MAFG: variants seen among roughly 807,000 people sequenced by gnomAD.
The protein encoded by MAFG is MAF bZIP transcription factor G.
A neutral mutation model predicts 12.2 loss-of-function variants in MAFG; 3 were observed. The observed-to-expected ratio is 0.25, with a 90% confidence interval of 0.11 to 0.64. The LOEUF (loss-of-function observed/expected upper bound fraction) is 0.64. MAFG is among the 30% of genes least tolerant of loss of function. MAFG has a pLI of 0.85. For synonymous variants in MAFG, 126 were observed against 109.1 expected (o/e 1.15, Z -0.96); for missense variants, 153 against 235.5 (o/e 0.65, Z 2.29).
intron 1 of MAFG, among the ~76,000 whole-genome samples, chr17:81,925,671 C>T (rs2040933296): frequency 6.6e-6 from 1 of 151,800 alleles, no homozygotes; most frequent in Non-Finnish European, 1.5e-5. Context: ...AGCCGGGCGT[C>T]GTGGTGGGCG....
Position 81,922,734 on chromosome 17 carries a change from C to T in MAFG, c.360G>A (p.Thr120=), listed in dbSNP as rs748310991. 1.0e-5 allele frequency: 16 copies of T among 1,572,210 alleles called. No homozygotes were observed. The highest frequency in any genetic ancestry group is 2.3e-5 in the East Asian group (1 of 43,284). ...CTGGCGCCACGGGGCTGCGGGCCACCGTCCGGGCGAAGGTCTGCAGCGCCT... is the reference window on the plus strand; with the variant it reads ...CTGGCGCCACGGGGCTGCGGGCCACTGTCCGGGCGAAGGTCTGCAGCGCCT... The part of the protein sequence containing the change: ...KYEALQTFAR[T]VARSPVAPAR... Residue 120 remains threonine, a synonymous_variant, in exon 3 of 3, where the codon ACG becomes ACA. Coordinates refer to ENST00000357736, the MANE Select transcript of MAFG (RefSeq NM_002359.4).
chr17:81,923,424 A>G, intron 1 of MAFG: 1 of 424,686 alleles, frequency 2.4e-6, no homozygotes, highest in South Asian at 4.5e-5. Context: ...CCCCTAGAGA[A>G]CCAGGTGGGA....
At position 81,921,708 on chromosome 17, in the gene MAFG, T is replaced by A. The variant is rs1598346867; in HGVS notation, c.*897A>T. ...TTTTTCTTTTTTTTTCTTTTTTTTTTAACTAGCAAAGTTTCTATTATACTT... is the reference window on the plus strand; with the variant it reads ...TTTTTCTTTTTTTTTCTTTTTTTTTAAACTAGCAAAGTTTCTATTATACTT... On this transcript the variant is annotated 3_prime_UTR_variant, in exon 3 of 3. Coordinates refer to ENST00000357736, the MANE Select transcript of MAFG (RefSeq NM_002359.4). 2 of 151,988 alleles carry A rather than the reference T, an allele frequency of 1.3e-5. No individual in the cohort carries two copies. Among genetic ancestry groups the A allele is most frequent in the South Asian group, 2.1e-4 (1 of 4,836 alleles). The allele number at this position is 151,988 out of a possible 1,614,324, so 9.4% of individuals were successfully genotyped here.
chr17:81,919,217 G>C lies in MAFG; in HGVS notation c.*3388C>G, dbSNP rs1388974218. The C allele has an allele frequency of 6.6e-6, 1 of 152,274 alleles. No individual in the cohort carries two copies. Among genetic ancestry groups the C allele is most frequent in the Non-Finnish European group, 1.5e-5 (1 of 68,050 alleles). The allele number at this position is 152,274 out of a possible 1,614,324, so 9.4% of individuals were successfully genotyped here. A position where few individuals can be genotyped will look rare whatever the true frequency, so the allele number is the denominator to read the frequency against. ...CTCACAAGATCCCAGAGCGGAAACG[G>C]TGCAGCAGGCTGCGGCTCCGACTTT... On this transcript the variant is annotated 3_prime_UTR_variant, in exon 3 of 3. Transcript: ENST00000357736.
At chr17:81,928,248 C>T (rs1294584535), upstream of MAFG, 2 of 152,178 alleles carry the variant, frequency 1.3e-5, no homozygotes. This position sits in a 1 kb window ranked among gnomAD's most constrained non-coding sequence, Gnocchi z 8.1. Flanking sequence ...CCCGAGCTGC[C>T]CAGGCCCTTC....
rs2040942189 is a variant in MAFG, at chr17:81,926,673, C to T, written c.-30+855G>A. On this transcript the variant is annotated intron_variant, in intron 1 of 2. Coordinates refer to ENST00000357736, the MANE Select transcript of MAFG (RefSeq NM_002359.4). The surrounding 1 kb of genome is among the most constrained non-coding windows in gnomAD (Gnocchi z 4.6). ...TGGAAAACTGCTCCAGACTTGGGACCAGGACCAGCTGCCGGAAAAGAGCCG... is the reference window on the plus strand; with the variant it reads ...TGGAAAACTGCTCCAGACTTGGGACTAGGACCAGCTGCCGGAAAAGAGCCG... 6.6e-6 allele frequency among the ~76,000 whole-genome samples: 1 copy of T among 152,196 alleles called. No homozygotes were observed. The highest frequency in any genetic ancestry group is 1.5e-5 in the Non-Finnish European group (1 of 68,038).
Position 81,924,690 on chromosome 17 carries a change from C to G in MAFG, c.-29-1476G>C, listed in dbSNP as rs2040925573. ...CGAGGCTCCAGCCACTGGATTCTTC[C>G]AGATAAAGGATGGGGAAGACCTGAG... On this transcript the variant is annotated intron_variant, in intron 1 of 2. Transcript: ENST00000357736. The surrounding 1 kb of genome is among the most constrained non-coding windows in gnomAD (Gnocchi z 4.7). 6.6e-6 allele frequency among the ~76,000 whole-genome samples: 1 copy of G among 152,192 alleles called. No individual in the cohort carries two copies. Among genetic ancestry groups the G allele is most frequent in the African/African-American group, 2.4e-5 (1 of 41,438 alleles).
chr17:81,922,659 C>T lies in MAFG; in HGVS notation c.435G>A (p.Val145=). 1 of 1,505,276 alleles carries T rather than the reference C, an allele frequency of 6.6e-7. No homozygotes were observed. Among genetic ancestry groups the T allele is most frequent in the Non-Finnish European group, 8.8e-7 (1 of 1,131,864 alleles). The allele number at this position is 1,505,276 out of a possible 1,614,324, so 93.2% of individuals were successfully genotyped here. The change falls in exon 3 of 3, where the codon GTG becomes GTA. Residue 145 remains valine, a synonymous_variant. Transcript: ENST00000357736. ...CTATTGTGATGACGCTGGTGGCGGC[C>T]ACCTTGCCTGGGACGAGGGGCCCCA... ...AGLGPLVPGK[V]AATSVITIVK...
rs1002296043 is a variant in MAFG, at chr17:81,923,262, A to ACCCCCCCCCCCCCC, written c.-29-49_-29-48insGGGGGGGGGGGGGG. 1.2e-4 allele frequency: 44 copies of ACCCCCCCCCCCCCC among 362,744 alleles called. 8 individuals carry two copies. Among genetic ancestry groups the ACCCCCCCCCCCCCC allele is most frequent in the Admixed American group, 5.2e-4 (5 of 9,652 alleles). 22.5% of individuals were successfully genotyped at this position (362,744 alleles called of 1,614,324 possible). ...GTACCCTGGAGACCACCCTCGCCGC[A>ACCCCCCCCCCCCCC]CCCCCCCCCCCCCGCCCCCGGCCCA... On this transcript the variant is annotated intron_variant, in intron 1 of 2. Coordinates refer to ENST00000357736, the MANE Select transcript of MAFG (RefSeq NM_002359.4).
upstream of MAFG, among the ~76,000 whole-genome samples, chr17:81,929,043 C>T (rs1014114376): frequency 2.6e-5 from 4 of 152,218 alleles, no homozygotes; most frequent in African/African-American, 9.6e-5. This position sits in a 1 kb window ranked among gnomAD's most constrained non-coding sequence, Gnocchi z 5.7. Context: ...CGTCAGGAGC[C>T]AGGGGTGATT....
At chr17:81,927,495 A>C (rs960841997) in intron 1 of MAFG, 33 bp downstream of exon 1, 6 of 139,288 alleles carry the variant, frequency 4.3e-5, no homozygotes, top group East Asian at 2.2e-4. Flanking sequence ...CGCCGCCCCC[A>C]CCGCCCGGGC....
rs372369888 is a variant in MAFG at position 81,923,140 on chromosome 17, G to C, written c.36+10C>G. ...CCCCAGCCCACAGGCTCCTGTCCCT[G>C]CCCACTCACCTTCAAGGCCTTGTTT... On this transcript the variant is annotated intron_variant, in intron 2 of 2. Coordinates refer to ENST00000357736, the MANE Select transcript of MAFG (RefSeq NM_002359.4). The C allele has an allele frequency of 6.2e-7, 1 of 1,611,378 alleles. No homozygotes were observed. The highest frequency in any genetic ancestry group is 1.3e-5 in the African/African-American group (1 of 74,746).
At position 81,923,177 on chromosome 17, in the gene MAFG, G is replaced by C; in HGVS notation, c.9C>G (p.Thr3=). 1 of 1,607,136 alleles carries C rather than the reference G, an allele frequency of 6.2e-7. No homozygotes were observed. Among genetic ancestry groups the C allele is most frequent in the Non-Finnish European group, 8.5e-7 (1 of 1,176,748 alleles). Residue 3 remains threonine, a synonymous_variant, in exon 2 of 3, where the codon ACC becomes ACG. Transcript: ENST00000357736. The part of the protein sequence containing the change: MT[T]PNKGNKALKV... Reference sequence around the variant, plus strand: ...TCAAGGCCTTGTTTCCTTTATTGGGGGTCGTCATAACCCGGGGGCACAGCG... The same window carrying C: ...TCAAGGCCTTGTTTCCTTTATTGGGCGTCGTCATAACCCGGGGGCACAGCG...
At chr17:81,928,513 GC>G (rs2040960848), upstream of MAFG, 1 of 152,234 alleles carries the variant, frequency 6.6e-6, no homozygotes, top group African/African-American at 2.4e-5. This position sits in a 1 kb window ranked among gnomAD's most constrained non-coding sequence, Gnocchi z 8.1. Flanking sequence ...GAACAGGCCG[GC>G]CCCAAAGTCC....
chr17:81,919,961 T>C lies in MAFG; in HGVS notation c.*2644A>G, dbSNP rs1047303602. 5 of 152,158 alleles carry C rather than the reference T, an allele frequency of 3.3e-5. No homozygotes were observed. Among genetic ancestry groups the C allele is most frequent in the African/African-American group, 1.2e-4 (5 of 41,412 alleles). 9.4% of individuals were successfully genotyped at this position (152,158 alleles called of 1,614,324 possible). Reference sequence around the variant, plus strand: ...CTCCCATTCAGCACGCGTCGACCCTTACACCCTCCTCTTCCACACTCCCTT... The same window carrying C: ...CTCCCATTCAGCACGCGTCGACCCTCACACCCTCCTCTTCCACACTCCCTT... On this transcript the variant is annotated 3_prime_UTR_variant, in exon 3 of 3. Coordinates refer to ENST00000357736, the MANE Select transcript of MAFG (RefSeq NM_002359.4).
rs2040859923 is a variant in MAFG at position 81,919,066 on chromosome 17, C to T, written c.*3539G>A. The T allele has an allele frequency of 6.6e-6, 1 of 152,306 alleles. No individual in the cohort carries two copies. The highest frequency in any genetic ancestry group is 2.4e-5 in the African/African-American group (1 of 41,456). 9.4% of individuals were successfully genotyped at this position (152,306 alleles called of 1,614,324 possible). ...CTGATTATGTACTCTACTCTCCCGACCTGCTCCAAGGCCAGACAGCCAACA... is the reference window on the plus strand; with the variant it reads ...CTGATTATGTACTCTACTCTCCCGATCTGCTCCAAGGCCAGACAGCCAACA... On this transcript the variant is annotated 3_prime_UTR_variant, in exon 3 of 3. Transcript: ENST00000357736.
At position 81,919,806 on chromosome 17, in the gene MAFG, G is replaced by A. The variant is rs1025588691; in HGVS notation, c.*2799C>T. ...GAAGAGGGGTGGAGTGGCTCCGCAG[G>A]GCTGACCTGACAGGGGACAGGAACA... On this transcript the variant is annotated 3_prime_UTR_variant, in exon 3 of 3. Coordinates refer to ENST00000357736, the MANE Select transcript of MAFG (RefSeq NM_002359.4). The A allele has an allele frequency of 6.6e-6, 1 of 152,256 alleles. No homozygotes were observed. The highest frequency in any genetic ancestry group is 2.4e-5 in the African/African-American group (1 of 41,420). 9.4% of individuals were successfully genotyped at this position (152,256 alleles called of 1,614,324 possible).
At chr17:81,931,047 C>T (rs1379802054), upstream of MAFG, among the ~76,000 whole-genome samples, 1 of 152,222 alleles carries the variant, frequency 6.6e-6, no homozygotes, top group African/African-American at 2.4e-5. Flanking sequence ...CAGCCTGCCT[C>T]ACCTACCTCC....
Position 81,926,993 on chromosome 17 carries a change from C to G in MAFG, c.-30+535G>C, listed in dbSNP as rs1372377009. 6.6e-6 allele frequency among the ~76,000 whole-genome samples: 1 copy of G among 152,208 alleles called. No homozygotes were observed. The highest frequency in any genetic ancestry group is 2.4e-5 in the African/African-American group (1 of 41,466). On this transcript the variant is annotated intron_variant, in intron 1 of 2. Transcript: ENST00000357736. The surrounding 1 kb of genome is among the most constrained non-coding windows in gnomAD (Gnocchi z 4.6). ...GACTCAGCAAGTCTCCCTCCGGGCTCTGGCACGCGACTGACGGAACCCGAG... is the reference window on the plus strand; with the variant it reads ...GACTCAGCAAGTCTCCCTCCGGGCTGTGGCACGCGACTGACGGAACCCGAG...
Sources: gnomAD v4.1 joint callset for allele counts (sites outside exome capture counted in the v4.1 genomes callset) on GRCh38, gnomAD v4.1.1 for gene constraint, Gnocchi (gnomAD v3.1) non-coding constraint, MANE v1.5 for transcripts, NCBI Gene and HGNC (gene_info 2026-07-23, HGNC 2026-07-21) for gene names.